The following PCDH7 variants were observed in gnomAD, a reference collection of about 807,000 sequenced individuals.
PCDH7 encodes protocadherin-7.
Under a neutral mutation model 58.9 loss-of-function variants are expected in PCDH7, and 17 were observed. The ratio of observed to expected loss-of-function variants is 0.29; its 90% confidence interval spans 0.20 to 0.43. The LOEUF (loss-of-function observed/expected upper bound fraction) is 0.43. PCDH7 is among the 20% of genes least tolerant of loss of function. PCDH7 has a pLI of 1.00. For synonymous variants in PCDH7, 664 were observed against 616.4 expected (o/e 1.08, Z -1.14); for missense variants, 1,274 against 1,441.0 (o/e 0.88, Z 1.88).
intron 1 of PCDH7, among the ~76,000 whole-genome samples, chr4:30,849,155 G>T (rs1164666565): frequency 6.6e-6 from 1 of 152,062 alleles, no homozygotes; most frequent in Non-Finnish European, 1.5e-5. Context: ...ATGGAAAACT[G>T]CCATCCAAGA....
chr4:31,082,803 A>C (rs2109271573), intron 3 of PCDH7, among the ~76,000 whole-genome samples: 1 of 152,224 alleles, frequency 6.6e-6, no homozygotes, highest in South Asian at 2.1e-4. Flanking sequence ...GCTAAGGATA[A>C]AAAACTACAC....
chr4:31,108,649 T>C (rs1026892855), intron 3 of PCDH7, among the ~76,000 whole-genome samples: 14 of 152,194 alleles, frequency 9.2e-5, no homozygotes, highest in African/African-American at 3.1e-4. Context: ...AAATTAATTG[T>C]AAGTGCAAAA....
At chr4:30,808,408 C>T (rs547060593) in intron 1 of PCDH7, among the ~76,000 whole-genome samples, 147 of 152,256 alleles carry the variant, frequency 9.7e-4, no homozygotes, top group Non-Finnish European at 4.3e-4. Flanking sequence ...CTCTCTTTCT[C>T]TGCTGTTTTT....
intron 3 of PCDH7, among the ~76,000 whole-genome samples, chr4:31,119,045 T>G (rs1717336066): frequency 6.6e-6 from 1 of 152,098 alleles, no homozygotes; most frequent in Non-Finnish European, 1.5e-5. Flanking sequence ...CCTAATGCAG[T>G]TTTTCTTTCT....
chr4:30,813,480 T>C (rs1449305985), intron 1 of PCDH7, among the ~76,000 whole-genome samples: 1 of 152,188 alleles, frequency 6.6e-6, no homozygotes, highest in African/African-American at 2.4e-5. Flanking sequence ...GCACAATCTC[T>C]ACCCTCAAGA....
At chr4:31,033,635 C>T (rs1755143584) in intron 3 of PCDH7, among the ~76,000 whole-genome samples, 1 of 152,144 alleles carries the variant, frequency 6.6e-6, no homozygotes, top group East Asian at 1.9e-4. Context: ...CCCTTACTTG[C>T]ATAGACAGTT....
rs1395304346 is a variant in PCDH7, at chr4:31,113,915, C to A, written c.*8-28558C>A. Among the ~76,000 whole-genome samples the A allele has an allele frequency of 2.7e-5, 4 of 149,602 alleles. No homozygotes were observed. In the East Asian group the frequency reaches 5.9e-4, roughly 22 times the overall value. ...TGGCACAATCTCAGCTCACTGCAAC[C>A]TCCACCTCCCAGGTTCAAGCCATTC... On this transcript the variant is annotated intron_variant, in intron 3 of 3. Transcript: ENST00000509759.
chr4:30,944,477 AT>A (rs1417635096), intron 2 of PCDH7, among the ~76,000 whole-genome samples: 3 of 152,290 alleles, frequency 2.0e-5, no homozygotes, highest in African/African-American at 7.2e-5. Context: ...AGGGTCCTCT[AT>A]AATTTTTAAA....
chr4:30,747,671 C>G (rs1428171378), intron 1 of PCDH7, among the ~76,000 whole-genome samples: 1 of 152,216 alleles, frequency 6.6e-6, no homozygotes, highest in Non-Finnish European at 1.5e-5. Context: ...TAATCCAAGA[C>G]AATTTTATTT....
intron 1 of PCDH7, among the ~76,000 whole-genome samples, chr4:30,772,025 C>T (rs1721481456): frequency 6.6e-6 from 1 of 151,972 alleles, no homozygotes; most frequent in African/African-American, 2.4e-5. Flanking sequence ...TGCCTGCCAC[C>T]ACGCCGGGTA....
At chr4:31,122,588 T>A (rs1189123212) in intron 3 of PCDH7, among the ~76,000 whole-genome samples, 1 of 152,132 alleles carries the variant, frequency 6.6e-6, no homozygotes, top group African/African-American at 2.4e-5. Context: ...TTCTAATCTG[T>A]TTAAAGATTC....
chr4:31,108,570 G>A (rs368641635), intron 3 of PCDH7, among the ~76,000 whole-genome samples: 24 of 152,184 alleles, frequency 1.6e-4, no homozygotes, highest in African/African-American at 5.5e-4. Flanking sequence ...TCTTGTTTTT[G>A]TGATTGCATA....
chr4:31,128,520 G>C (rs915523359), intron 3 of PCDH7, among the ~76,000 whole-genome samples: 3 of 152,112 alleles, frequency 2.0e-5, no homozygotes, highest in Non-Finnish European at 4.4e-5. Flanking sequence ...GGAATGAGCT[G>C]TGCATGAGAC....
intron 2 of PCDH7, among the ~76,000 whole-genome samples, chr4:30,933,797 A>G (rs4508845): frequency 0.027 from 4,049 of 152,260 alleles, 178 homozygotes; most frequent in African/African-American, 0.09. Flanking sequence ...AATTTCAAAA[A>G]TCATTAATTA....
At chr4:30,959,117 G>A (rs1748141397) in intron 3 of PCDH7, among the ~76,000 whole-genome samples, 1 of 151,828 alleles carries the variant, frequency 6.6e-6, no homozygotes. Flanking sequence ...AGCGTTCCAG[G>A]GACGCTTTAA....
chr4:30,724,148 A>G (rs1317763542), exon 1 of PCDH7: 1 of 1,614,080 alleles, frequency 6.2e-7, no homozygotes, highest in Non-Finnish European at 8.5e-7. Flanking sequence ...TCCAAAAATA[A>G]AAATGGCTAT....
In PCDH7 at chr4:30,720,773, A is replaced by C. The variant is rs932612008; in HGVS notation, c.-650A>C. 6.5e-6 allele frequency: 1 copy of C among 152,688 alleles called. No individual in the cohort carries two copies. The highest frequency in any genetic ancestry group is 1.5e-5 in the Non-Finnish European group (1 of 68,496). 9.5% of individuals were successfully genotyped at this position (152,688 alleles called of 1,614,324 possible). On this transcript the variant is annotated 5_prime_UTR_variant, in exon 1 of 2. An upstream start codon of the reference 5' UTR is lost. Coordinates refer to ENST00000361762, the Ensembl canonical transcript of PCDH7. The surrounding 1 kb of genome is among the most constrained non-coding windows in gnomAD (Gnocchi z 4.7). ...ATCTGTTGACTGGCTCCCCCGCTGC[A>C]TGAGCAGAGTCGGAGTTGAGACTGG...
intron 3 of PCDH7, among the ~76,000 whole-genome samples, chr4:31,084,676 G>T (rs1455123095): frequency 1.9e-5 from 2 of 106,618 alleles, no homozygotes; most frequent in African/African-American, 3.7e-5. Context: ...GAGAGAGAGA[G>T]ATAAAGGGGG....
At chr4:30,856,110 C>T (rs924205305) in intron 1 of PCDH7, among the ~76,000 whole-genome samples, 4 of 151,568 alleles carry the variant, frequency 2.6e-5, no homozygotes, top group Admixed American at 1.3e-4. Context: ...CAGTTTTAAA[C>T]AAAATGTTTC....
Sources: gnomAD v4.1 joint callset for allele counts (sites outside exome capture counted in the v4.1 genomes callset) on GRCh38, gnomAD v4.1.1 for gene constraint, Gnocchi (gnomAD v3.1) non-coding constraint, MANE v1.5 for transcripts, NCBI Gene and HGNC (gene_info 2026-07-23, HGNC 2026-07-21) for gene names.